The following LMO7 variants were observed in gnomAD, a reference collection of about 807,000 sequenced individuals.
LMO7 encodes LIM domain only protein 7.
LMO7 carries 120 observed loss-of-function variants against 206.5 expected under a neutral mutation model. The ratio of observed to expected loss-of-function variants is 0.58; its 90% confidence interval spans 0.50 to 0.68. The LOEUF (loss-of-function observed/expected upper bound fraction) is 0.68, where lower values mean the gene tolerates loss of function less well. Ranked by LOEUF, LMO7 falls within the 30% of genes least tolerant of loss-of-function variation. The pLI is 0.00. For synonymous variants in LMO7, 706 were observed against 681.5 expected (o/e 1.04, Z -0.56); for missense variants, 1,959 against 1,957.9 (o/e 1.00, Z -0.01).
At chr13:75,737,257 G>A (rs1189416908) in intron 3 of LMO7, among the ~76,000 whole-genome samples, 1 of 152,072 alleles carries the variant, frequency 6.6e-6, no homozygotes, top group Non-Finnish European at 1.5e-5. Flanking sequence ...GAACACCTGC[G>A]ATTGCTGGCA....
intron 2 of LMO7, among the ~76,000 whole-genome samples, chr13:75,726,271 T>A (rs1376009244): frequency 1.3e-5 from 2 of 152,008 alleles, no homozygotes; most frequent in African/African-American, 4.8e-5. Flanking sequence ...AAAAAAGAAT[T>A]CATAATAATC....
chr13:75,670,115 C>T (rs1260304367), intron 1 of LMO7, among the ~76,000 whole-genome samples: 2 of 152,224 alleles, frequency 1.3e-5, no homozygotes, highest in Non-Finnish European at 2.9e-5. Context: ...ACACCTCTCT[C>T]CTCCTCCCTG....
chr13:75,830,333 A>G (rs988195819), intron 15 of LMO7, among the ~76,000 whole-genome samples: 1 of 152,188 alleles, frequency 6.6e-6, no homozygotes, highest in Non-Finnish European at 1.5e-5. Flanking sequence ...CTTTGAAACC[A>G]CAACCACCCA....
At chr13:75,857,765 T>G (rs923610095) in intron 30 of LMO7, 156 bp from the exon 31 acceptor site, 1 of 436,206 alleles carries the variant, frequency 2.3e-6, no homozygotes, top group Non-Finnish European at 4.1e-6. Flanking sequence ...GACGAGACAC[T>G]GAGACTTGCC....
chr13:75,653,135 T>C (rs904795656), intron 1 of LMO7, among the ~76,000 whole-genome samples: 1 of 152,156 alleles, frequency 6.6e-6, no homozygotes, highest in African/African-American at 2.4e-5. Flanking sequence ...TTCAGTAAAA[T>C]TATTTTTCTT....
chr13:75,838,958 G>A (rs2059367994), intron 20 of LMO7, among the ~76,000 whole-genome samples: 1 of 152,154 alleles, frequency 6.6e-6, no homozygotes, highest in Middle Eastern at 3.2e-3. Flanking sequence ...TTGTGCTGTT[G>A]CCATCTAAAA....
chr13:75,780,587 A>G (rs921171700), intron 4 of LMO7, among the ~76,000 whole-genome samples: 7 of 152,218 alleles, frequency 4.6e-5, no homozygotes, highest in Admixed American at 6.5e-5. Flanking sequence ...TGCAGATAAC[A>G]CAATCATCAC....
At chr13:75,700,068 G>A (rs2042178580) in intron 1 of LMO7, among the ~76,000 whole-genome samples, 1 of 152,144 alleles carries the variant, frequency 6.6e-6, no homozygotes, top group Non-Finnish European at 1.5e-5. Context: ...GTTCTGCCCG[G>A]CCCTGCAGGC....
At chr13:75,802,935 GA>G (rs990847110) in intron 7 of LMO7, among the ~76,000 whole-genome samples, 3 of 152,086 alleles carry the variant, frequency 2.0e-5, no homozygotes, top group African/African-American at 4.8e-5. Flanking sequence ...TACTTTGGGG[GA>G]AAAAATTCTC....
At chr13:75,759,378 A>G (rs1345535668) in intron 3 of LMO7, among the ~76,000 whole-genome samples, 2 of 152,194 alleles carry the variant, frequency 1.3e-5, no homozygotes, top group Admixed American at 1.3e-4. Context: ...ATTAATTTGT[A>G]TCATTTGATA....
chr13:75,819,333 C>A (rs773178522), intron 12 of LMO7, 60 bp from the exon 13 acceptor site: 29 of 1,494,960 alleles, frequency 1.9e-5, no homozygotes, highest in Admixed American at 1.9e-4. Context: ...CACATTCTGT[C>A]TGCTAGAAAG....
chr13:75,717,919 T>C (rs1301970917), intron 2 of LMO7, among the ~76,000 whole-genome samples: 1 of 152,260 alleles, frequency 6.6e-6, no homozygotes, highest in East Asian at 1.9e-4. Flanking sequence ...TTAACCCTGA[T>C]CTGTTTTTAC....
intron 1 of LMO7, among the ~76,000 whole-genome samples, chr13:75,641,369 G>A (rs1272212439): frequency 6.6e-6 from 1 of 152,148 alleles, no homozygotes; most frequent in Non-Finnish European, 1.5e-5. Context: ...TATTCTTACT[G>A]AAGTACCTTA....
intron 1 of LMO7, among the ~76,000 whole-genome samples, chr13:75,709,247 G>C (rs575440735): frequency 6.6e-6 from 1 of 152,132 alleles, no homozygotes; most frequent in East Asian, 1.9e-4. Flanking sequence ...GAAAAGTGCC[G>C]CAATAAACAT....
chr13:75,768,241 T>C (rs1470273), intron 4 of LMO7, among the ~76,000 whole-genome samples: 19,684 of 152,112 alleles, frequency 0.13, 1,645 homozygotes, highest in South Asian at 0.24. Flanking sequence ...TAAATTTTGC[T>C]TACAAACTAC....
At chr13:75,857,728 C>A (rs2061082534) in intron 30 of LMO7, 193 bp from the exon 31 acceptor site, 1 of 400,576 alleles carries the variant, frequency 2.5e-6, no homozygotes, top group Non-Finnish European at 4.4e-6. Context: ...CATTTTTACT[C>A]CATTTTTACA....
chr13:75,798,373 A>C (rs2054302748), intron 6 of LMO7, among the ~76,000 whole-genome samples: 1 of 152,164 alleles, frequency 6.6e-6, no homozygotes, highest in South Asian at 2.1e-4. Context: ...ACAAACAAAA[A>C]ACCATGTGGG....
At chr13:75,752,020 G>C (rs1016714034) in intron 3 of LMO7, among the ~76,000 whole-genome samples, 3 of 152,122 alleles carry the variant, frequency 2.0e-5, no homozygotes, top group Admixed American at 1.3e-4. Flanking sequence ...TTAGACTTTT[G>C]CATAATGAAA....
In LMO7 at chr13:75,833,066, A is replaced by G; in HGVS notation, c.2965A>G (p.Met989Val). 1 of 1,603,684 alleles carries G rather than the reference A, an allele frequency of 6.2e-7. No individual in the cohort carries two copies. The highest frequency in any genetic ancestry group is 8.5e-7 in the Non-Finnish European group (1 of 1,170,736). The change falls in exon 16 of 31, where the codon ATG becomes GTG. Residue 989 changes from methionine (M) to valine (V), a missense_variant. Physicochemically the swap from Met to Val is conservative, Grantham distance 21. Coordinates refer to ENST00000377534, the MANE Select transcript of LMO7 (RefSeq NM_001306080.2). ...TTGTTTTCAGGATCAGTTCAGTGAT[A>G]TGAGAATCAGCATAAACCAGACGCC... ...VSRSQDQFSD[M>V]RISINQTPGK...
Sources: allele counts gnomAD v4.1 joint callset (sites outside exome capture counted in the v4.1 genomes callset), GRCh38; gene constraint gnomAD v4.1.1; transcripts MANE v1.5; gene names NCBI Gene and HGNC (gene_info 2026-07-23, HGNC 2026-07-21).